The following TRIM67 variants were observed in gnomAD, a reference collection of about 807,000 sequenced individuals.
TRIM67 encodes tripartite motif containing 67.
In TRIM67, 39 loss-of-function variants were observed where a neutral mutation model predicts 71.0. The ratio of observed to expected loss-of-function variants is 0.55; its 90% confidence interval spans 0.43 to 0.72. The LOEUF (loss-of-function observed/expected upper bound fraction) is 0.72. Ranked by LOEUF, TRIM67 falls within the 30% of genes least tolerant of loss-of-function variation. The pLI is 0.00. For synonymous variants in TRIM67, 481 were observed against 473.9 expected (o/e 1.01, Z -0.19); for missense variants, 973 against 1,079.2 (o/e 0.90, Z 1.38).
rs1391874057 is a variant in TRIM67 at position 231,220,207 on chromosome 1, A to G, written c.*4767A>G. 2.9e-6 allele frequency: 1 copy of G among 340,916 alleles called. No individual in the cohort carries two copies. The highest frequency in any genetic ancestry group is 5.7e-6 in the Non-Finnish European group (1 of 175,006). The allele number at this position is 340,916 out of a possible 1,614,324, so 21.1% of individuals were successfully genotyped here. ...TTCTCTGACCAGTGTCTTCCATCCA[A>G]GCCTCCTTGTGACCAGGGCAAGGAG... On this transcript the variant is annotated 3_prime_UTR_variant, in exon 10 of 10. Transcript: ENST00000366653.
At chr1:231,199,483 C>T (rs1683461540) in intron 3 of TRIM67, among the ~76,000 whole-genome samples, 1 of 152,124 alleles carries the variant, frequency 6.6e-6, no homozygotes. Context: ...AGTGACTAGC[C>T]CTGACCCTGT....
chr1:231,205,812 C>A (rs1683678691), intron 6 of TRIM67, among the ~76,000 whole-genome samples: 1 of 151,926 alleles, frequency 6.6e-6, no homozygotes, highest in East Asian at 1.9e-4. Context: ...CAGAAAACAG[C>A]AGCTCCAGGA....
chr1:231,199,970 C>A (rs1357502786), intron 3 of TRIM67, among the ~76,000 whole-genome samples, 178 bp from the exon 4 acceptor site: 3 of 152,188 alleles, frequency 2.0e-5, no homozygotes, highest in African/African-American at 7.2e-5. Context: ...CCACTTATTT[C>A]CCAGCAAAGA....
At chr1:231,182,608 A>G (rs571302631) in intron 1 of TRIM67, among the ~76,000 whole-genome samples, 9 of 152,286 alleles carry the variant, frequency 5.9e-5, no homozygotes, top group African/African-American at 1.9e-4. Context: ...CACATCCAGC[A>G]GATGAATGGC....
intron 1 of TRIM67, 118 bp downstream of exon 1, chr1:231,164,131 C>T (rs1278419630): frequency 1.6e-6 from 2 of 1,243,170 alleles, no homozygotes; most frequent in Non-Finnish European, 2.1e-6. Flanking sequence ...GCAGGAATTA[C>T]CTCACTCATT....
At chr1:231,206,839 C>T (rs1380357586) in intron 7 of TRIM67, 49 bp downstream of exon 7, 7 of 1,516,712 alleles carry the variant, frequency 4.6e-6, no homozygotes, top group Non-Finnish European at 6.2e-6. Context: ...TCATTTTATC[C>T]AGTGACAACC....
chr1:231,209,026 C>T lies in TRIM67; in HGVS notation c.1899C>T (p.Ser633=). The T allele has an allele frequency of 6.2e-7, 1 of 1,613,260 alleles. No individual in the cohort carries two copies. The highest frequency in any genetic ancestry group is 8.5e-7 in the Non-Finnish European group (1 of 1,179,328). ...LSNDNQTATC[S]SYDDRVVLGT... is the part of the protein sequence containing the mutation. ...ATGACAACCAGACAGCCACCTGCAG[C>T]AGCTATGACGACCGGGTGGTGCTGG... Residue 633 remains serine, a synonymous_variant, in exon 8 of 10, where the codon AGC becomes AGT. Transcript: ENST00000366653. The surrounding 1 kb of genome is among the most constrained non-coding windows in gnomAD (Gnocchi z 4.1).
chr1:231,175,703 T>A (rs1682729674), intron 1 of TRIM67, among the ~76,000 whole-genome samples: 1 of 152,194 alleles, frequency 6.6e-6, no homozygotes, highest in African/African-American at 2.4e-5. Context: ...TCCTCATCCT[T>A]AGAAACATAG....
chr1:231,205,059 C>T (rs112254094), intron 6 of TRIM67, among the ~76,000 whole-genome samples: 2,297 of 152,234 alleles, frequency 0.015, 59 homozygotes, highest in African/African-American at 0.053. Flanking sequence ...AGCTCGTCCA[C>T]CCGAAACCAA....
rs1248927038 is a variant in TRIM67 at position 231,203,951 on chromosome 1, C to T, written c.1619C>T (p.Thr540Ile). The T allele has an allele frequency of 3.1e-6, 5 of 1,614,002 alleles. No individual in the cohort carries two copies. Among genetic ancestry groups the T allele is most frequent in the Non-Finnish European group, 4.2e-6 (5 of 1,179,878 alleles). ...CTGGCCTGGAGGATGCCACCCTTCA[C>T]CCACAGCCCCGTGGACGGCTACATC... ...VTLAWRMPPFTHSPVDGYILE... is the reference protein window; with the variant it reads ...VTLAWRMPPFIHSPVDGYILE... Residue 540 changes from threonine to isoleucine, a missense_variant, in exon 6 of 10, where the codon ACC becomes ATC. Physicochemically the swap from Thr to Ile is moderately conservative, Grantham distance 89 (BLOSUM62 -1). Coordinates refer to ENST00000366653, the MANE Select transcript of TRIM67 (RefSeq NM_001004342.5).
chr1:231,195,938 T>C (rs148504901), intron 1 of TRIM67, among the ~76,000 whole-genome samples: 55 of 152,280 alleles, frequency 3.6e-4, no homozygotes, highest in African/African-American at 1.3e-3. Flanking sequence ...GTTGGTGTGG[T>C]CTAAAGAATC....
chr1:231,211,388 T>C (rs930836634), intron 8 of TRIM67, among the ~76,000 whole-genome samples: 6 of 151,840 alleles, frequency 4.0e-5, no homozygotes, highest in African/African-American at 1.2e-4. Flanking sequence ...GGGTAAGCGC[T>C]ATCTGGGAGG....
At chr1:231,174,656 A>G (rs1682699282) in intron 1 of TRIM67, among the ~76,000 whole-genome samples, 1 of 151,850 alleles carries the variant, frequency 6.6e-6, no homozygotes, top group Non-Finnish European at 1.5e-5. Flanking sequence ...CCCTTTCCCC[A>G]ACAGTCTGTC....
At chr1:231,189,903 G>A (rs1395936178) in intron 1 of TRIM67, among the ~76,000 whole-genome samples, 1 of 152,148 alleles carries the variant, frequency 6.6e-6, no homozygotes, top group Non-Finnish European at 1.5e-5. Context: ...GAATGTGGGT[G>A]ACCTCTAGAA....
chr1:231,173,944 T>A (rs1481279074), intron 1 of TRIM67, among the ~76,000 whole-genome samples: 1 of 152,144 alleles, frequency 6.6e-6, no homozygotes, highest in Non-Finnish European at 1.5e-5. Flanking sequence ...GGGGGTTCTC[T>A]GAGCTTCTTG....
chr1:231,168,080 G>T (rs550316414), intron 1 of TRIM67, among the ~76,000 whole-genome samples: 1 of 151,542 alleles, frequency 6.6e-6, no homozygotes, highest in African/African-American at 2.4e-5. Flanking sequence ...TCCCACCTCC[G>T]CCTCCCAAGT....
chr1:231,171,238 A>G (rs1682610076), intron 1 of TRIM67, among the ~76,000 whole-genome samples: 2 of 152,164 alleles, frequency 1.3e-5, no homozygotes, highest in South Asian at 4.1e-4. Flanking sequence ...CTGGGAAACC[A>G]TATGGTGCTC....
Position 231,211,029 on chromosome 1 carries a change from A to AT in TRIM67, c.2123+1779_2123+1780insT, listed in dbSNP as rs1403385276. 6.1e-3 allele frequency among the ~76,000 whole-genome samples: 741 copies of AT among 121,610 alleles called. 4 individuals carry two copies. The highest frequency in any genetic ancestry group is 0.018 in the Middle Eastern group (4 of 220). The allele number at this position is 121,610 out of a possible 152,430, so 79.8% of individuals were successfully genotyped here. Reference sequence around the variant, plus strand: ...AGACCCTCCTCTCTACCAAAAAAAAAAAATATATATATATATATATATTTT... The same window carrying AT: ...AGACCCTCCTCTCTACCAAAAAAAAATAAATATATATATATATATATATTTT... On this transcript the variant is annotated intron_variant, in intron 8 of 9. Coordinates refer to ENST00000366653, the MANE Select transcript of TRIM67 (RefSeq NM_001004342.5).
At chr1:231,210,682 G>A (rs550571218) in intron 8 of TRIM67, among the ~76,000 whole-genome samples, 9 of 151,840 alleles carry the variant, frequency 5.9e-5, no homozygotes, top group African/African-American at 1.9e-4. Flanking sequence ...GGAAGCACTC[G>A]ATGTATCTGA....
Sources: gnomAD v4.1 joint callset for allele counts (sites outside exome capture counted in the v4.1 genomes callset) on GRCh38, gnomAD v4.1.1 for gene constraint, Gnocchi (gnomAD v3.1) non-coding constraint, MANE v1.5 for transcripts, NCBI Gene and HGNC (gene_info 2026-07-23, HGNC 2026-07-21) for gene names.